GRK4: variants seen among roughly 807,000 people sequenced by gnomAD.
The protein encoded by GRK4 is G protein-coupled receptor kinase 4.
In GRK4, 73 loss-of-function variants were observed where a neutral mutation model predicts 77.9. The observed-to-expected ratio is 0.94, with a 90% CI of 0.78 to 1.14. The LOEUF (loss-of-function observed/expected upper bound fraction) is 1.14. Ranked by LOEUF, GRK4 falls within the 50% of genes most tolerant of loss-of-function variation. GRK4 has a pLI of 0.00. For missense variants in GRK4, 729 were observed against 700.2 expected (o/e 1.04, Z -0.46); for synonymous variants, 257 against 254.4 (o/e 1.01, Z -0.10).
At chr4:3,003,489 C>G (rs889216145) in intron 4 of GRK4, among the ~76,000 whole-genome samples, 1 of 151,792 alleles carries the variant, frequency 6.6e-6, no homozygotes, top group African/African-American at 2.4e-5. Context: ...CCATGCCGGC[C>G]GTGACTGGCT....
intron 1 of GRK4, among the ~76,000 whole-genome samples, chr4:2,984,304 G>C (rs1246112425): frequency 6.6e-6 from 1 of 152,182 alleles, no homozygotes; most frequent in African/African-American, 2.4e-5. Flanking sequence ...CTAAATGGCA[G>C]AGCTAGTGAC....
At chr4:2,987,243 A>G (rs1724683826) in intron 2 of GRK4, 1 of 427,894 alleles carries the variant, frequency 2.3e-6, no homozygotes, top group Non-Finnish European at 4.6e-6. Flanking sequence ...GGCTTTTTTT[A>G]CGTAGCATAA....
At chr4:2,970,566 G>C (rs1325158399) in intron 1 of GRK4, among the ~76,000 whole-genome samples, 1 of 151,424 alleles carries the variant, frequency 6.6e-6, no homozygotes, top group Non-Finnish European at 1.5e-5. Context: ...GCTGAGGCGG[G>C]AGAATCACTT....
chr4:3,015,284 T>C (rs1051611073), intron 8 of GRK4, among the ~76,000 whole-genome samples: 1 of 152,206 alleles, frequency 6.6e-6, no homozygotes, highest in South Asian at 2.1e-4. Context: ...TTTGTAGTGT[T>C]AGAGCTATTT....
At chr4:3,007,910 G>A in intron 6 of GRK4, 82 bp downstream of exon 6, 1 of 924,116 alleles carries the variant, frequency 1.1e-6, no homozygotes, top group Non-Finnish European at 1.7e-6. Flanking sequence ...GGCTGAGGCT[G>A]AAGGATTGCT....
chr4:2,989,452 C>G (rs1168259784), intron 3 of GRK4, among the ~76,000 whole-genome samples: 1 of 152,120 alleles, frequency 6.6e-6, no homozygotes, highest in African/African-American at 2.4e-5. Context: ...CTCTCTCTGT[C>G]TCCCAGGCTG....
At chr4:3,000,559 CTTTTCTTTTCTTTTCTT>C (rs1729217438) in intron 4 of GRK4, among the ~76,000 whole-genome samples, 1 of 121,214 alleles carries the variant, frequency 8.2e-6, no homozygotes, top group African/African-American at 3.6e-5. Context: ...CTTTTCTTTT[CTTTTCTTTTCTTTTCTT>C]TTTTTTTTTG....
chr4:2,984,386 T>G (rs1008923825), intron 1 of GRK4, 127 bp from the exon 2 acceptor site: 3 of 498,610 alleles, frequency 6.0e-6, no homozygotes, highest in African/African-American at 2.0e-5. Flanking sequence ...TATAAGCATG[T>G]ATTTTTATTC....
In GRK4 at chr4:3,038,535, T is replaced by C. The variant is rs762986773; in HGVS notation, c.1683+22T>C. 1.2e-5 allele frequency: 19 copies of C among 1,583,810 alleles called. No homozygotes were observed. The Admixed American group carries it at 1.9e-4, about 16-fold the overall frequency. On this transcript the variant is annotated intron_variant, in intron 15 of 15. Coordinates refer to ENST00000398052, the MANE Select transcript of GRK4 (RefSeq NM_182982.3). ...AGGGGTAAAAAGACTTAAAAACTAA[T>C]ATATGTGTGTGTATGTGAAAAAAAA...
chr4:2,965,419 A>AC, intron 1 of GRK4: 1 of 702,920 alleles, frequency 1.4e-6, no homozygotes, highest in South Asian at 1.5e-5. Context: ...AGTTCTTCAC[A>AC]CCCCGTCACT....
At chr4:2,998,108 G>C in intron 4 of GRK4, among the ~76,000 whole-genome samples, 1 of 152,064 alleles carries the variant, frequency 6.6e-6, no homozygotes, top group Admixed American at 6.6e-5. Context: ...CTGTGATCCA[G>C]CACTTTGGGA....
chr4:2,989,135 C>T (rs921693659), intron 3 of GRK4, among the ~76,000 whole-genome samples: 2 of 151,508 alleles, frequency 1.3e-5, no homozygotes, highest in Admixed American at 6.6e-5. Context: ...GAGCCGAGAT[C>T]GCACCACTGC....
chr4:2,989,780 T>G (rs115301493), intron 3 of GRK4, among the ~76,000 whole-genome samples: 1 of 152,208 alleles, frequency 6.6e-6, no homozygotes, highest in Non-Finnish European at 1.5e-5. Flanking sequence ...AACATTCTCA[T>G]GTATCCTGTT....
intron 1 of GRK4, among the ~76,000 whole-genome samples, chr4:2,981,887 T>A (rs903733431): frequency 5.3e-5 from 8 of 152,350 alleles, no homozygotes; most frequent in African/African-American, 1.9e-4. Context: ...CGCCTTGGCC[T>A]CCCTGCCATG....
intron 1 of GRK4, among the ~76,000 whole-genome samples, chr4:2,973,334 C>G (rs1310857100): frequency 6.6e-6 from 1 of 152,190 alleles, no homozygotes; most frequent in East Asian, 1.9e-4. Context: ...TTCTCGCCTT[C>G]TCTATCCACA....
At chr4:3,026,142 A>C (rs1737494228) in intron 10 of GRK4, among the ~76,000 whole-genome samples, 1 of 152,222 alleles carries the variant, frequency 6.6e-6, no homozygotes, top group South Asian at 2.1e-4. Context: ...ATAGAGTCCT[A>C]GAAGTGGGTG....
intron 12 of GRK4, among the ~76,000 whole-genome samples, chr4:3,033,768 G>T (rs1560504077): frequency 6.6e-6 from 1 of 152,148 alleles, no homozygotes; most frequent in South Asian, 2.1e-4. Context: ...TGTATTTTTA[G>T]TAGAGACCGG....
chr4:2,981,859 C>G lies in GRK4; in HGVS notation c.53-2654C>G, dbSNP rs139518262. On this transcript the variant is annotated intron_variant, in intron 1 of 15. Transcript: ENST00000398052. Reference sequence around the variant, plus strand: ...GGCTGTTTGTGTGCCCTGGCCTGCACTGAGCTGAACTCAGCCACGCCTTGG... The same window carrying G: ...GGCTGTTTGTGTGCCCTGGCCTGCAGTGAGCTGAACTCAGCCACGCCTTGG... Among the ~76,000 whole-genome samples the G allele has an allele frequency of 2.0e-5, 3 of 152,372 alleles. No homozygotes were observed. The East Asian group carries it at 5.8e-4, about 29-fold the overall frequency.
intron 1 of GRK4, chr4:2,966,318 A>G (rs1717673618): frequency 6.6e-6 from 1 of 152,348 alleles, no homozygotes; most frequent in East Asian, 1.9e-4. Context: ...AGGCTGAGGC[A>G]GGAGAATGGC....
Sources: allele counts gnomAD v4.1 joint callset (sites outside exome capture counted in the v4.1 genomes callset), GRCh38; gene constraint gnomAD v4.1.1; transcripts MANE v1.5; gene names NCBI Gene and HGNC (gene_info 2026-07-23, HGNC 2026-07-21).